Variants in AGO3 observed in about 807,000 individuals in gnomAD.
AGO3 encodes the protein argonaute RISC catalytic component 3, also known as protein argonaute-3.
In AGO3, 16 loss-of-function variants were observed where a neutral mutation model predicts 105.5. The ratio of observed to expected loss-of-function variants is 0.15; its 90% CI spans 0.10 to 0.23. The LOEUF is 0.23. AGO3 is among the 10% of genes least tolerant of loss of function. The pLI is 1.00. For synonymous variants in AGO3, 340 were observed against 367.3 expected, an observed-to-expected ratio of 0.93 and a Z score of 0.85; for missense variants, 534 against 1,088.0, an observed-to-expected ratio of 0.49 and a Z score of 7.16.
intron 1 of AGO3, among the ~76,000 whole-genome samples, chr1:35,935,901 T>A (rs570379423): frequency 6.6e-6 from 1 of 152,364 alleles, no homozygotes; most frequent in South Asian, 2.1e-4. Flanking sequence ...TTGTTGTTGC[T>A]AATGGGTAGG....
intron 11 of AGO3, among the ~76,000 whole-genome samples, chr1:36,026,618 T>C (rs907575980): frequency 2.0e-5 from 3 of 152,234 alleles, no homozygotes; most frequent in Admixed American, 6.5e-5. Context: ...CTCTTTCTTA[T>C]GAATCTTGTG....
At chr1:35,960,235 A>G (rs1043635387) in intron 2 of AGO3, among the ~76,000 whole-genome samples, 1 of 152,146 alleles carries the variant, frequency 6.6e-6, no homozygotes, top group Non-Finnish European at 1.5e-5. Context: ...CCACATGCCT[A>G]CCTATTAAAG....
intron 16 of AGO3, 48 bp from the exon 17 acceptor site, chr1:36,043,399 A>AT: frequency 1.4e-6 from 2 of 1,477,950 alleles, no homozygotes; most frequent in Admixed American, 1.8e-5. Context: ...TTTCAGATAT[A>AT]TTTTTACCTT....
intron 17 of AGO3, among the ~76,000 whole-genome samples, chr1:36,054,326 G>A (rs1642842406): frequency 1.3e-5 from 2 of 152,126 alleles, no homozygotes; most frequent in South Asian, 2.1e-4. Context: ...AGGCTGGAGT[G>A]CAATGATGGG....
intron 1 of AGO3, among the ~76,000 whole-genome samples, chr1:35,934,045 A>T (rs1646104292): frequency 6.6e-6 from 1 of 152,234 alleles, no homozygotes; most frequent in African/African-American, 2.4e-5. Context: ...CAACAGTTTA[A>T]CATCTGTGTC....
chr1:35,974,560 A>G (rs548524681), intron 5 of AGO3, among the ~76,000 whole-genome samples: 2 of 152,280 alleles, frequency 1.3e-5, no homozygotes, highest in South Asian at 2.1e-4. Context: ...GTCGTGTCAT[A>G]TTAGGAAACA....
chr1:36,057,293 T>C lies in AGO3; in HGVS notation c.*1548T>C, dbSNP rs1248485172. On this transcript the variant is annotated 3_prime_UTR_variant, in exon 19 of 19. Coordinates refer to ENST00000373191, the MANE Select transcript of AGO3 (RefSeq NM_024852.4). ...ATTTTTTTGTTTTGTTTTTTGATAG[T>C]TTACTTGCTGCCTCTCATACCTTAA... 1 of 152,032 alleles carries C rather than the reference T, an allele frequency of 6.6e-6. No individual in the cohort carries two copies. The highest frequency in any genetic ancestry group is 2.4e-5 in the African/African-American group (1 of 41,430). The allele number at this position is 152,032 out of a possible 1,614,324, so 9.4% of individuals were successfully genotyped here. A position where few individuals can be genotyped will look rare whatever the true frequency, so the allele number is the denominator to read the frequency against.
intron 5 of AGO3, among the ~76,000 whole-genome samples, chr1:35,986,548 G>T (rs999038874): frequency 6.6e-6 from 1 of 152,032 alleles, no homozygotes; most frequent in Non-Finnish European, 1.5e-5. Flanking sequence ...CATTAGCCAG[G>T]TGTGGTAGTG....
chr1:36,007,861 C>T (rs773963982), intron 6 of AGO3, among the ~76,000 whole-genome samples: 19 of 152,092 alleles, frequency 1.2e-4, no homozygotes, highest in Non-Finnish European at 2.1e-4. Flanking sequence ...AAATTCATCT[C>T]GAAGAACTTC....
intron 13 of AGO3, among the ~76,000 whole-genome samples, chr1:36,035,518 C>A (rs950611574): frequency 6.6e-6 from 1 of 152,182 alleles, no homozygotes; most frequent in Non-Finnish European, 1.5e-5. Context: ...AGTGGATTCC[C>A]AAAATCCCTT....
chr1:36,017,218 A>G (rs539416661), intron 11 of AGO3, among the ~76,000 whole-genome samples: 4 of 152,336 alleles, frequency 2.6e-5, no homozygotes, highest in African/African-American at 9.6e-5. Flanking sequence ...TCTCAGGAGA[A>G]TAACCCTAAG....
chr1:36,034,040 G>A (rs1641901788), intron 12 of AGO3, 134 bp from the exon 13 acceptor site: 1 of 773,482 alleles, frequency 1.3e-6, no homozygotes, highest in Non-Finnish European at 1.9e-6. Context: ...CCTTAGTACT[G>A]TATTGGCATA....
Position 36,014,051 on chromosome 1 carries a change from A to G in AGO3, c.1406+3A>G. ...CAGTGCAGAGAAGAAATATTGAAGTAAGACATGTCATTACCTTGGCTTTGG... is the reference window on the plus strand; with the variant it reads ...CAGTGCAGAGAAGAAATATTGAAGTGAGACATGTCATTACCTTGGCTTTGG... On this transcript the variant is annotated splice_donor_region_variant and intron_variant, in intron 11 of 18. Transcript: ENST00000373191. The G allele has an allele frequency of 3.1e-6, 5 of 1,614,132 alleles. No individual in the cohort carries two copies. The highest frequency in any genetic ancestry group is 4.2e-6 in the Non-Finnish European group (5 of 1,180,002).
At position 36,056,776 on chromosome 1, in the gene AGO3, T is replaced by C. The variant is rs996004225; in HGVS notation, c.*1031T>C. 6.6e-6 allele frequency: 1 copy of C among 151,474 alleles called. No homozygotes were observed. The highest frequency in any genetic ancestry group is 2.4e-5 in the African/African-American group (1 of 41,208). The allele number at this position is 151,474 out of a possible 1,614,324, so 9.4% of individuals were successfully genotyped here. A position where few individuals can be genotyped will look rare whatever the true frequency, so the allele number is the denominator to read the frequency against. ...TTTTTTTAATGAGACAGAGCCTCGC[T>C]CTGTCACCAGGCTGGAGTGCAGTGG... On this transcript the variant is annotated 3_prime_UTR_variant, in exon 19 of 19. Coordinates refer to ENST00000373191, the MANE Select transcript of AGO3 (RefSeq NM_024852.4).
At chr1:36,037,052 T>G (rs1642043541) in intron 14 of AGO3, among the ~76,000 whole-genome samples, 1 of 149,094 alleles carries the variant, frequency 6.7e-6, no homozygotes, top group Non-Finnish European at 1.5e-5. Context: ...GTTATTTCTT[T>G]GCTCTCTGTG....
At chr1:35,941,270 A>G (rs2148745012) in intron 1 of AGO3, among the ~76,000 whole-genome samples, 1 of 151,926 alleles carries the variant, frequency 6.6e-6, no homozygotes, top group South Asian at 2.1e-4. Context: ...CCACATCCAC[A>G]TCACTCCCCT....
At chr1:36,006,778 A>G (rs1328994993) in intron 6 of AGO3, among the ~76,000 whole-genome samples, 1 of 152,200 alleles carries the variant, frequency 6.6e-6, no homozygotes, top group Non-Finnish European at 1.5e-5. Flanking sequence ...GAGCACTTCC[A>G]AAGAAAAACA....
rs901250608 is a variant in AGO3 at position 35,964,016 on chromosome 1, A to C, written c.192-2939A>C. ...TTATTCACTGTTAGAGCATTTATTGAGGATATACTATGTGTTAGGCATCAA... is the reference window on the plus strand; with the variant it reads ...TTATTCACTGTTAGAGCATTTATTGCGGATATACTATGTGTTAGGCATCAA... On this transcript the variant is annotated intron_variant, in intron 2 of 18. Coordinates refer to ENST00000373191, the MANE Select transcript of AGO3 (RefSeq NM_024852.4). Among the ~76,000 whole-genome samples, 59 of 152,192 alleles carry C rather than the reference A, an allele frequency of 3.9e-4. 1 individual carries two copies. The highest frequency in any genetic ancestry group is 3.1e-3 in the Admixed American group (47 of 15,286).
At chr1:36,033,642 CA>C (rs10717828) in intron 12 of AGO3, among the ~76,000 whole-genome samples, 119,572 of 131,638 alleles carry the variant, frequency 0.91, 54,061 homozygotes, top group East Asian at 0.98. Context: ...GAGATCCTCT[CA>C]AAAAAAAAAA....
Sources: allele counts gnomAD v4.1 joint callset (sites outside exome capture counted in the v4.1 genomes callset), GRCh38; gene constraint gnomAD v4.1.1; transcripts MANE v1.5; gene names NCBI Gene and HGNC (gene_info 2026-07-23, HGNC 2026-07-21).